SLC44A1: variants seen among roughly 807,000 people sequenced by gnomAD.
SLC44A1 encodes solute carrier family 44 member 1.
SLC44A1 carries 26 observed loss-of-function variants against 79.3 expected under a neutral mutation model. The ratio of observed to expected loss-of-function variants is 0.33; its 90% CI spans 0.24 to 0.46. SLC44A1 has a LOEUF of 0.46. SLC44A1 is among the 20% of genes least tolerant of loss of function. SLC44A1 has a pLI of 1.00. For missense variants in SLC44A1, 688 were observed against 798.1 expected, an observed-to-expected ratio of 0.86 and a Z score of 1.66; for synonymous variants, 263 against 286.2, an observed-to-expected ratio of 0.92 and a Z score of 0.82.
intron 9 of SLC44A1, 108 bp downstream of exon 9, chr9:105,363,115 T>C: frequency 1.2e-6 from 1 of 854,148 alleles, no homozygotes; most frequent in Non-Finnish European, 1.8e-6. Flanking sequence ...GAAGGTCCAA[T>C]AGCCATCAGA....
chr9:105,351,628 G>A (rs1238152034), intron 5 of SLC44A1, among the ~76,000 whole-genome samples: 4 of 43,982 alleles, frequency 9.1e-5, no homozygotes, highest in Admixed American at 2.7e-4. Context: ...GAAAGAGAGA[G>A]AAAGAGAAAG....
chr9:105,397,433 G>A, downstream of SLC44A1: 1 of 847,402 alleles, frequency 1.2e-6, no homozygotes, highest in South Asian at 5.4e-5. Flanking sequence ...TTCAAATTAG[G>A]TCAGTATGCT....
At chr9:105,266,884 G>A (rs942487254) in intron 1 of SLC44A1, among the ~76,000 whole-genome samples, 9 of 152,166 alleles carry the variant, frequency 5.9e-5, no homozygotes, top group African/African-American at 2.2e-4. Context: ...GAAATGCATG[G>A]ATCCATTAGG....
intron 3 of SLC44A1, among the ~76,000 whole-genome samples, chr9:105,324,277 G>T (rs1360587132): frequency 6.7e-6 from 1 of 149,752 alleles, no homozygotes; most frequent in African/African-American, 2.5e-5. Context: ...TAAAGACAGA[G>T]TTTCACTCTG....
chr9:105,344,037 C>T (rs537955375), intron 4 of SLC44A1, among the ~76,000 whole-genome samples: 1 of 152,250 alleles, frequency 6.6e-6, no homozygotes, highest in East Asian at 1.9e-4. Flanking sequence ...TCCATTCTCC[C>T]AGCATGTAGT....
intron 7 of SLC44A1, among the ~76,000 whole-genome samples, chr9:105,359,220 G>C (rs1827710277): frequency 6.6e-6 from 1 of 152,042 alleles, no homozygotes; most frequent in Non-Finnish European, 1.5e-5. Context: ...CCATAAAGTA[G>C]TACAGAACTG....
At chr9:105,300,576 G>A (rs531713875) in intron 2 of SLC44A1, among the ~76,000 whole-genome samples, 97 of 152,128 alleles carry the variant, frequency 6.4e-4, no homozygotes, top group Non-Finnish European at 1.1e-3. Context: ...AATGAGATAC[G>A]ATAAATCCAG....
intron 2 of SLC44A1, among the ~76,000 whole-genome samples, chr9:105,306,428 A>G (rs1831032915): frequency 6.6e-6 from 1 of 151,970 alleles, no homozygotes; most frequent in Admixed American, 6.6e-5. Context: ...TTTTCTTTTT[A>G]AAGAGATTGT....
At chr9:105,296,072 G>A (rs1830714198) in intron 1 of SLC44A1, among the ~76,000 whole-genome samples, 1 of 152,106 alleles carries the variant, frequency 6.6e-6, no homozygotes, top group Admixed American at 6.6e-5. Flanking sequence ...CTTGGTAAAA[G>A]GATATTTTAA....
intron 3 of SLC44A1, among the ~76,000 whole-genome samples, chr9:105,315,541 A>G (rs2131320709): frequency 6.6e-6 from 1 of 152,156 alleles, no homozygotes. Context: ...TATGCAGAGG[A>G]TTATTTAGGG....
chr9:105,372,201 A>G (rs1013847767), intron 12 of SLC44A1, among the ~76,000 whole-genome samples: 2 of 152,244 alleles, frequency 1.3e-5, no homozygotes, highest in African/African-American at 4.8e-5. Flanking sequence ...ACTTGCAAAC[A>G]TAATATAGTA....
intron 1 of SLC44A1, among the ~76,000 whole-genome samples, chr9:105,276,756 G>T (rs1830216518): frequency 2.0e-5 from 3 of 152,178 alleles, no homozygotes; most frequent in Admixed American, 2.0e-4. Context: ...AATCCTGAGA[G>T]CTCAGTAGCA....
At chr9:105,355,993 T>G in intron 5 of SLC44A1, 3 of 531,730 alleles carry the variant, frequency 5.6e-6, no homozygotes, top group Non-Finnish European at 1.0e-5. Flanking sequence ...TGTTGGAACA[T>G]GCACTCCACC....
intron 15 of SLC44A1, among the ~76,000 whole-genome samples, chr9:105,433,295 T>TCAAA (rs112275450): frequency 0.042 from 6,385 of 151,810 alleles, 387 homozygotes; most frequent in African/African-American, 0.14. Flanking sequence ...AGACTCCATC[T>TCAAA]CAAACAAACA....
intron 13 of SLC44A1, among the ~76,000 whole-genome samples, chr9:105,380,809 CT>C (rs1828439854): frequency 6.6e-6 from 1 of 152,218 alleles, no homozygotes; most frequent in East Asian, 1.9e-4. Context: ...ACCTGGGATA[CT>C]TTTTAAATGC....
chr9:105,351,560 GAA>G (rs1400055894), intron 5 of SLC44A1, among the ~76,000 whole-genome samples: 2,474 of 118,490 alleles, frequency 0.021, 118 homozygotes, highest in African/African-American at 0.087. Context: ...AAGAAAGAGA[GAA>G]AGAGAGAAAG....
intron 3 of SLC44A1, among the ~76,000 whole-genome samples, chr9:105,321,403 A>T (rs992495017): frequency 6.6e-6 from 1 of 152,200 alleles, no homozygotes; most frequent in African/African-American, 2.4e-5. Flanking sequence ...AAGGAGGCTG[A>T]TGGAGTTTCT....
At chr9:105,246,689 G>A (rs1448584733) in intron 1 of SLC44A1, among the ~76,000 whole-genome samples, 2 of 152,132 alleles carry the variant, frequency 1.3e-5, no homozygotes, top group Non-Finnish European at 2.9e-5. Flanking sequence ...TCAGAATTGA[G>A]TTAATTTACA....
rs116153508 is a variant in SLC44A1, at chr9:105,393,220, T to C, written c.*4164T>C. ...CTTTTGCTTTAAATGCATATTCATGTATCTTTGTGTGCTAAGAATGCATGT... is the reference window on the plus strand; with the variant it reads ...CTTTTGCTTTAAATGCATATTCATGCATCTTTGTGTGCTAAGAATGCATGT... On this transcript the variant is annotated 3_prime_UTR_variant, in exon 16 of 16. Transcript: ENST00000374720. 36 of 985,424 alleles carry C rather than the reference T, an allele frequency of 3.7e-5. No individual in the cohort carries two copies. The highest frequency in any genetic ancestry group is 4.3e-5 in the Non-Finnish European group (36 of 829,870). 61.0% of individuals were successfully genotyped at this position (985,424 alleles called of 1,614,324 possible).
Sources: gnomAD v4.1 joint callset for allele counts (sites outside exome capture counted in the v4.1 genomes callset) on GRCh38, gnomAD v4.1.1 for gene constraint, MANE v1.5 for transcripts, NCBI Gene and HGNC (gene_info 2026-07-23, HGNC 2026-07-21) for gene names.